The following DCC variants were observed in gnomAD, a reference collection of about 807,000 sequenced individuals.
The protein encoded by DCC is DCC netrin 1 receptor, also known as netrin receptor DCC.
In DCC, 58 loss-of-function variants were observed where a neutral mutation model predicts 172.5. The observed-to-expected ratio is 0.34, with a 90% CI of 0.27 to 0.42. The LOEUF is 0.42. Among genes scored for constraint, DCC ranks in the 10% least tolerant of loss-of-function variants. DCC has a pLI of 1.00. For missense variants in DCC, 1,740 were observed against 1,791.0 expected (o/e 0.97, Z 0.51); for synonymous variants, 709 against 644.5 (o/e 1.10, Z -1.52).
At chr18:52,834,704 AT>A (rs2038673096) in intron 2 of DCC, among the ~76,000 whole-genome samples, 1 of 152,334 alleles carries the variant, frequency 6.6e-6, no homozygotes, top group Middle Eastern at 3.4e-3. Flanking sequence ...TATCAAAATT[AT>A]TTGAAAAATT....
intron 7 of DCC, among the ~76,000 whole-genome samples, chr18:53,127,780 T>C (rs1051122320): frequency 1.3e-5 from 2 of 152,128 alleles, no homozygotes; most frequent in Admixed American, 6.6e-5. Flanking sequence ...AGCTGCACAG[T>C]GAAAACACTG....
At chr18:52,497,160 C>T (rs1402716922) in intron 1 of DCC, among the ~76,000 whole-genome samples, 2 of 149,808 alleles carry the variant, frequency 1.3e-5, no homozygotes, top group Non-Finnish European at 3.0e-5. Flanking sequence ...ATTCAGGAAG[C>T]TGAGGCAGGA....
chr18:52,719,409 G>A (rs534594467), intron 1 of DCC, among the ~76,000 whole-genome samples: 27 of 152,164 alleles, frequency 1.8e-4, no homozygotes, highest in South Asian at 4.2e-4. Flanking sequence ...AGAATAAAGC[G>A]TTGAGTCCAC....
intron 7 of DCC, among the ~76,000 whole-genome samples, chr18:53,117,724 G>T (rs1222794012): frequency 1.3e-5 from 2 of 151,634 alleles, no homozygotes; most frequent in African/African-American, 4.8e-5. Context: ...TTCAGGCTTT[G>T]CAGGCCACGT....
intron 1 of DCC, among the ~76,000 whole-genome samples, chr18:52,720,572 G>C (rs943241426): frequency 5.1e-4 from 78 of 152,216 alleles, no homozygotes; most frequent in Admixed American, 6.5e-4. Context: ...CCAGGAAGCT[G>C]TGTGGCACAC....
At chr18:52,927,128 C>CGT (rs1568192111) in intron 5 of DCC, among the ~76,000 whole-genome samples, 5 of 36,500 alleles carry the variant, frequency 1.4e-4, no homozygotes, top group Non-Finnish European at 2.2e-4. Context: ...TGTATATACA[C>CGT]GTATATACGT....
chr18:52,673,036 C>A (rs1023662299), intron 1 of DCC, among the ~76,000 whole-genome samples: 24 of 152,160 alleles, frequency 1.6e-4, no homozygotes, highest in Non-Finnish European at 3.4e-4. Flanking sequence ...GCACTCTAGC[C>A]TGGGCTACAG....
rs368535519 is a variant in DCC at position 52,831,920 on chromosome 18, A to AG, written c.413-74122dup. ...GGAGTATCTGAAGATAGAACAAAGG[A>AG]GGCCAGTGCCCGAGCCCTGCATACT... On this transcript the variant is annotated intron_variant, in intron 2 of 28. Coordinates refer to ENST00000442544, the MANE Select transcript of DCC (RefSeq NM_005215.4). 2.6e-4 allele frequency among the ~76,000 whole-genome samples: 40 copies of AG among 152,274 alleles called. 1 individual carries two copies. Among genetic ancestry groups the AG allele is most frequent in the African/African-American group, 8.7e-4 (36 of 41,528 alleles).
At chr18:52,846,089 C>A (rs1486774869) in intron 2 of DCC, among the ~76,000 whole-genome samples, 1 of 152,138 alleles carries the variant, frequency 6.6e-6, no homozygotes, top group Non-Finnish European at 1.5e-5. Flanking sequence ...TTTTCCTTTA[C>A]AAGGATTTCA....
intron 1 of DCC, among the ~76,000 whole-genome samples, chr18:52,553,698 C>T (rs1475619430): frequency 6.6e-6 from 1 of 151,808 alleles, no homozygotes; most frequent in East Asian, 1.9e-4. Flanking sequence ...TTATAGAGCT[C>T]AAAGGGGGTC....
chr18:52,923,624 T>C, intron 3 of DCC, 83 bp from the exon 4 acceptor site: 2 of 1,122,676 alleles, frequency 1.8e-6, no homozygotes, highest in Admixed American at 1.8e-5. Context: ...TTTCCATCTT[T>C]TGTTAGGAAA....
intron 1 of DCC, among the ~76,000 whole-genome samples, chr18:52,523,185 A>T (rs895478105): frequency 1.2e-4 from 19 of 152,134 alleles, no homozygotes; most frequent in African/African-American, 4.6e-4. Context: ...TGCAGATTCT[A>T]CATGATTGCA....
At chr18:52,638,257 A>C (rs960876502) in intron 1 of DCC, among the ~76,000 whole-genome samples, 2 of 150,802 alleles carry the variant, frequency 1.3e-5, no homozygotes, top group African/African-American at 2.4e-5. Flanking sequence ...CAAAAATACC[A>C]GTTAAAAAGC....
chr18:52,780,353 TATTA>T (rs1027680436), intron 2 of DCC, among the ~76,000 whole-genome samples: 36 of 151,524 alleles, frequency 2.4e-4, no homozygotes, highest in African/African-American at 8.4e-4. Flanking sequence ...TGTAAAAAAT[TATTA>T]ATTCCAGTTT....
At chr18:52,589,118 T>C (rs1278545544) in intron 1 of DCC, among the ~76,000 whole-genome samples, 1 of 152,216 alleles carries the variant, frequency 6.6e-6, no homozygotes, top group Non-Finnish European at 1.5e-5. Context: ...GAAAATAATG[T>C]GACTGATGAA....
chr18:52,524,822 G>C (rs2031931329), intron 1 of DCC, among the ~76,000 whole-genome samples: 1 of 152,060 alleles, frequency 6.6e-6, no homozygotes, highest in Non-Finnish European at 1.5e-5. Flanking sequence ...TTCTATATCA[G>C]ATAGCATATA....
At chr18:53,075,889 C>T (rs565695777) in intron 7 of DCC, among the ~76,000 whole-genome samples, 1 of 152,268 alleles carries the variant, frequency 6.6e-6, no homozygotes, top group Admixed American at 6.5e-5. Context: ...GGTACTATTT[C>T]CCTCCTGCTA....
chr18:53,329,856 C>T (rs1024253164), intron 14 of DCC, among the ~76,000 whole-genome samples: 3 of 152,078 alleles, frequency 2.0e-5, no homozygotes, highest in Non-Finnish European at 4.4e-5. Flanking sequence ...TACTATCTGG[C>T]ATTGGAATGG....
At chr18:52,557,074 TTTTC>T (rs2032933909) in intron 1 of DCC, among the ~76,000 whole-genome samples, 1 of 152,200 alleles carries the variant, frequency 6.6e-6, no homozygotes, top group South Asian at 2.1e-4. Context: ...TCACTAGCTA[TTTTC>T]TTTAAGTTAA....
Sources: allele counts gnomAD v4.1 joint callset (sites outside exome capture counted in the v4.1 genomes callset), GRCh38; gene constraint gnomAD v4.1.1; transcripts MANE v1.5; gene names NCBI Gene and HGNC (gene_info 2026-07-23, HGNC 2026-07-21).